Variants in MRTFB observed in about 807,000 individuals in gnomAD.
MRTFB encodes the protein myocardin-related transcription factor B.
Under a neutral mutation model 104.2 loss-of-function variants are expected in MRTFB, and 29 were observed. The ratio of observed to expected loss-of-function variants is 0.28; its 90% CI spans 0.21 to 0.38. The LOEUF is 0.38. Among genes scored for constraint, MRTFB ranks in the 10% least tolerant of loss-of-function variants. The probability of loss-of-function intolerance (pLI) is 1.00; values close to 1 mark genes in which losing one functional copy is unlikely to be tolerated. For synonymous variants in MRTFB, 535 were observed against 519.5 expected, an observed-to-expected ratio of 1.03 and a Z score of -0.41; for missense variants, 1,270 against 1,341.6, an observed-to-expected ratio of 0.95 and a Z score of 0.83.
At chr16:14,014,177 G>A in the MRTFB span, among the ~76,000 whole-genome samples, 11 of 152,104 alleles carry the variant, frequency 7.2e-5, no homozygotes, top group African/African-American at 1.9e-4. Context: ...TCCCAATTGC[G>A]TGGAGAATGA....
chr16:14,063,257 C>T, the MRTFB span, among the ~76,000 whole-genome samples: 1 of 152,170 alleles, frequency 6.6e-6, no homozygotes, highest in Non-Finnish European at 1.5e-5. Context: ...TCTTTCTCTC[C>T]ACTGCCTCCA....
At chr16:14,039,684 C>T in the MRTFB span, among the ~76,000 whole-genome samples, 3 of 151,272 alleles carry the variant, frequency 2.0e-5, no homozygotes, top group African/African-American at 7.3e-5. Context: ...GCATTTCATG[C>T]ACTTTTAATT....
the MRTFB span, among the ~76,000 whole-genome samples, chr16:14,038,285 A>T: frequency 6.6e-6 from 1 of 152,110 alleles, no homozygotes; most frequent in Non-Finnish European, 1.5e-5. Context: ...TAATAATCTC[A>T]TCTTACCTTA....
chr16:14,230,846 A>T (rs564844121), intron 8 of MRTFB, among the ~76,000 whole-genome samples: 16 of 150,274 alleles, frequency 1.1e-4, no homozygotes, highest in Non-Finnish European at 2.1e-4. Flanking sequence ...ATGTTTATTG[A>T]GGCACTATTC....
At chr16:14,254,364 GA>G (rs2043388420) in intron 15 of MRTFB, among the ~76,000 whole-genome samples, 1 of 152,208 alleles carries the variant, frequency 6.6e-6, no homozygotes, top group African/African-American at 2.4e-5. Context: ...CTCTGGTGGG[GA>G]ATCCACACTC....
rs1597411993 is a variant in MRTFB, at chr16:14,265,959, C to G, written c.*4515C>G. 1 of 152,340 alleles carries G rather than the reference C, an allele frequency of 6.6e-6. No individual in the cohort carries two copies. The highest frequency in any genetic ancestry group is 2.4e-5 in the African/African-American group (1 of 41,574). The allele number at this position is 152,340 out of a possible 1,614,324, so 9.4% of individuals were successfully genotyped here. On this transcript the variant is annotated 3_prime_UTR_variant, in exon 17 of 17. Coordinates refer to ENST00000571589, the MANE Select transcript of MRTFB (RefSeq NM_001308142.2). ...ACTGAAACTCGTAACAATTACCTCT[C>G]TACGTGATGCTGTAAGGAATCTTGC...
chr16:14,053,475 G>A, the MRTFB span, among the ~76,000 whole-genome samples: 1 of 152,034 alleles, frequency 6.6e-6, no homozygotes, highest in African/African-American at 2.4e-5. Context: ...GCTCACATCT[G>A]TAATCCCAGC....
chr16:14,260,953 A>T lies in MRTFB; in HGVS notation c.2809A>T (p.Met937Leu). ...IKEEPSPISK[M>L]RPVTASITTM... is the part of the protein sequence containing the mutation. Reference sequence around the variant, plus strand: ...AGAAGAACCTTCTCCTATTTCCAAAATGAGACCAGTGACAGCCAGCATCAC... The same window carrying T: ...AGAAGAACCTTCTCCTATTTCCAAATTGAGACCAGTGACAGCCAGCATCAC... Residue 937 changes from methionine (M) to leucine (L), a missense_variant, in exon 17 of 17, where the codon ATG becomes TTG. Around this residue, in one of 3 missense-constraint regions of MRTFB, gnomAD observed 1,144 missense variants for 1,131.5 expected, o/e 1.01. Coordinates refer to ENST00000571589, the MANE Select transcript of MRTFB (RefSeq NM_001308142.2). 6.2e-7 allele frequency: 1 copy of T among 1,613,704 alleles called. No homozygotes were observed. Among genetic ancestry groups the T allele is most frequent in the Non-Finnish European group, 8.5e-7 (1 of 1,179,766 alleles).
chr16:14,132,923 T>G (rs1257341666), intron 2 of MRTFB, among the ~76,000 whole-genome samples: 1 of 152,218 alleles, frequency 6.6e-6, no homozygotes, highest in Non-Finnish European at 1.5e-5. Flanking sequence ...TAAATCTGTT[T>G]ATGCCAGTCG....
Position 14,252,500 on chromosome 16 carries a change from G to T in MRTFB, c.2701G>T (p.Glu901Ter). Reference protein sequence around the residue: ...QTRSTQAPLPEISNAHSQQMD... With the variant: ...QTRSTQAPLP ...ACGCAGCACACAGGCCCCTCTGCCAGAGGTAAGTGAGGGCACGGTCATGGT... is the reference window on the plus strand; with the variant it reads ...ACGCAGCACACAGGCCCCTCTGCCATAGGTAAGTGAGGGCACGGTCATGGT... The change falls in exon 15 of 17, where the codon GAG (glutamate) becomes TAG (stop). Residue 901 changes from glutamate to a stop codon, truncating the protein, a stop_gained and splice_region_variant. Transcript: ENST00000571589. LOFTEE classifies it high-confidence loss of function. 1 of 1,613,996 alleles carries T rather than the reference G, an allele frequency of 6.2e-7. No homozygotes were observed. Among genetic ancestry groups the T allele is most frequent in the Non-Finnish European group, 8.5e-7 (1 of 1,179,970 alleles).
chr16:14,245,805 C>A, intron 11 of MRTFB, 145 bp downstream of exon 11: 1 of 958,976 alleles, frequency 1.0e-6, no homozygotes, highest in Non-Finnish European at 1.5e-6. Context: ...AAGGTATTTT[C>A]TTTTTACTTC....
the MRTFB span, among the ~76,000 whole-genome samples, chr16:14,032,660 T>C: frequency 6.6e-6 from 1 of 152,160 alleles, no homozygotes; most frequent in Non-Finnish European, 1.5e-5. Flanking sequence ...ACCCACTACT[T>C]GTGATTGGAG....
At chr16:13,995,436 C>T in the MRTFB span, among the ~76,000 whole-genome samples, 1 of 152,198 alleles carries the variant, frequency 6.6e-6, no homozygotes, top group Non-Finnish European at 1.5e-5. Context: ...TCAGTTTGCA[C>T]TTTAAGCTCC....
At chr16:14,108,006 A>G (rs1291964120) in intron 2 of MRTFB, among the ~76,000 whole-genome samples, 2 of 152,026 alleles carry the variant, frequency 1.3e-5, no homozygotes, top group Non-Finnish European at 2.9e-5. Flanking sequence ...CTGCGTCTCT[A>G]CCAGGGACCC....
chr16:14,118,750 C>T (rs200548796), intron 2 of MRTFB, among the ~76,000 whole-genome samples: 1 of 146,346 alleles, frequency 6.8e-6, no homozygotes, highest in Admixed American at 6.7e-5. Flanking sequence ...CATATATATA[C>T]ACACACACAT....
At chr16:14,129,300 G>A (rs934442366) in intron 2 of MRTFB, among the ~76,000 whole-genome samples, 22 of 150,990 alleles carry the variant, frequency 1.5e-4, no homozygotes, top group South Asian at 1.3e-3. Flanking sequence ...CTTATTTAAA[G>A]TATAAAATTT....
intron 3 of MRTFB, among the ~76,000 whole-genome samples, chr16:14,161,742 T>G (rs548762599): frequency 6.6e-6 from 1 of 152,272 alleles, no homozygotes; most frequent in South Asian, 2.1e-4. Flanking sequence ...GCCAGTATAA[T>G]CAGTGGACAA....
intron 3 of MRTFB, among the ~76,000 whole-genome samples, chr16:14,183,402 A>G (rs998826683): frequency 3.9e-5 from 6 of 152,198 alleles, no homozygotes; most frequent in African/African-American, 1.4e-4. Flanking sequence ...ACTCAATGTC[A>G]TATGTGATCC....
intron 3 of MRTFB, chr16:14,150,994 A>G (rs1298435213): frequency 6.6e-6 from 1 of 152,198 alleles, no homozygotes; most frequent in Admixed American, 6.5e-5. Flanking sequence ...TTTTACTTCT[A>G]TGTGCAATTT....
Sources: allele counts gnomAD v4.1 joint callset (sites outside exome capture counted in the v4.1 genomes callset), GRCh38; gene constraint gnomAD v4.1.1; regional missense constraint gnomAD v4.1.1; transcripts MANE v1.5; gene names NCBI Gene and HGNC (gene_info 2026-07-23, HGNC 2026-07-21).